NDC1: variants seen among roughly 807,000 people sequenced by gnomAD.
The protein encoded by NDC1 is nucleoporin NDC1.
A neutral mutation model predicts 89.8 loss-of-function variants in NDC1; 24 were observed. The observed-to-expected ratio is 0.27, with a 90% CI of 0.19 to 0.38. The LOEUF (loss-of-function observed/expected upper bound fraction) is 0.38, where lower values mean the gene tolerates loss of function less well. Among genes scored for constraint, NDC1 ranks in the 10% least tolerant of loss-of-function variants. The probability of loss-of-function intolerance (pLI) is 1.00; values close to 1 mark genes in which losing one functional copy is unlikely to be tolerated. For synonymous variants in NDC1, 296 were observed against 284.8 expected, an observed-to-expected ratio of 1.04 and a Z score of -0.39; for missense variants, 728 against 797.6, an observed-to-expected ratio of 0.91 and a Z score of 1.05.
rs1264429806 is a variant in NDC1, at chr1:53,766,253, G to T, written c.*1717C>A. On this transcript the variant is annotated 3_prime_UTR_variant, in exon 18 of 18. Coordinates refer to ENST00000371429, the MANE Select transcript of NDC1 (RefSeq NM_018087.5). ...CTATCTTTATTCTCAGAAATCCAAT[G>T]TTGAATATCACAGTTCTTCTTTAAT... 6.6e-6 allele frequency: 1 copy of T among 152,174 alleles called. No individual in the cohort carries two copies. The highest frequency in any genetic ancestry group is 2.4e-5 in the African/African-American group (1 of 41,434). 9.4% of individuals were successfully genotyped at this position (152,174 alleles called of 1,614,324 possible).
chr1:53,806,056 AGAGC>A (rs1201401667), intron 9 of NDC1, among the ~76,000 whole-genome samples: 4 of 152,226 alleles, frequency 2.6e-5, no homozygotes, highest in African/African-American at 9.6e-5. Flanking sequence ...CCTGGGCGAC[AGAGC>A]GAGACTCCGT....
At position 53,825,786 on chromosome 1, in the gene NDC1, A is replaced by G; in HGVS notation, c.594+12T>C. On this transcript the variant is annotated intron_variant, in intron 5 of 17. Transcript: ENST00000371429. The stretch of plus-strand genomic sequence containing the variant: ...CAAATTTTGACATCAAGTAATGCTC[A>G]AATGATCTTACCTGTATGATGGGAA... 1 of 1,567,274 alleles carries G rather than the reference A, an allele frequency of 6.4e-7. No individual in the cohort carries two copies. The highest frequency in any genetic ancestry group is 8.6e-7 in the Non-Finnish European group (1 of 1,163,946).
chr1:53,800,824 G>A lies in NDC1; in HGVS notation c.1091C>T (p.Ala364Val), dbSNP rs751580134. 2 of 1,605,124 alleles carry A rather than the reference G, an allele frequency of 1.2e-6. No individual in the cohort carries two copies. Among genetic ancestry groups the A allele is most frequent in the Non-Finnish European group, 1.7e-6 (2 of 1,175,732 alleles). The change falls in exon 11 of 18, where the codon GCC becomes GTC. Residue 364 changes from alanine to valine, a missense_variant. Physicochemically the swap from Ala to Val is moderately conservative, Grantham distance 64. Transcript: ENST00000371429. Reference sequence around the variant, plus strand: ...AAGATTCAAACACTCCCTTGAAATGGCTGTCCAATTGTGGGGATGTCCACC... The same window carrying A: ...AAGATTCAAACACTCCCTTGAAATGACTGTCCAATTGTGGGGATGTCCACC... ...QPGGHPHNWT[A>V]ISRECLNLLN... is the part of the protein sequence containing the mutation.
intron 17 of NDC1, 149 bp from the exon 18 acceptor site, chr1:53,768,182 A>C: frequency 1.9e-6 from 1 of 525,092 alleles, no homozygotes. Flanking sequence ...CTGGATGAAA[A>C]CTCTTTTTAA....
chr1:53,821,839 T>C (rs903232595), intron 5 of NDC1, among the ~76,000 whole-genome samples: 2 of 152,248 alleles, frequency 1.3e-5, no homozygotes, highest in African/African-American at 4.8e-5. Context: ...CCAGGCACTA[T>C]GCTAAATGCT....
chr1:53,831,142 G>T (rs188032699), intron 3 of NDC1, among the ~76,000 whole-genome samples: 10 of 147,478 alleles, frequency 6.8e-5, no homozygotes, highest in Admixed American at 4.7e-4. Context: ...GGAGAACGGC[G>T]TGAACCTAGG....
At chr1:53,806,318 A>C (rs1648107010) in intron 9 of NDC1, 107 bp downstream of exon 9, 2 of 655,570 alleles carry the variant, frequency 3.1e-6, no homozygotes, top group Non-Finnish European at 2.4e-6. Flanking sequence ...CAGTACAAGA[A>C]TATTATAGGC....
At chr1:53,804,110 A>G in intron 9 of NDC1, 101 bp from the exon 10 acceptor site, 3 of 855,066 alleles carry the variant, frequency 3.5e-6, no homozygotes, top group Non-Finnish European at 3.7e-6. Flanking sequence ...GAAATTAATT[A>G]AACTTTTTCA....
At chr1:53,778,659 A>C (rs1488515782) in intron 16 of NDC1, among the ~76,000 whole-genome samples, 1 of 152,216 alleles carries the variant, frequency 6.6e-6, no homozygotes, top group Non-Finnish European at 1.5e-5. Flanking sequence ...TCAGGGAAAT[A>C]AAATATGACT....
chr1:53,821,951 C>T (rs1435637689), intron 5 of NDC1, among the ~76,000 whole-genome samples: 1 of 152,176 alleles, frequency 6.6e-6, no homozygotes, highest in Non-Finnish European at 1.5e-5. Context: ...CCCTATGGGT[C>T]CATCATTAAG....
At chr1:53,801,990 G>C (rs549412609) in intron 10 of NDC1, among the ~76,000 whole-genome samples, 1 of 152,038 alleles carries the variant, frequency 6.6e-6, no homozygotes, top group Non-Finnish European at 1.5e-5. Flanking sequence ...TGATCCTCCC[G>C]CCTCAGCCTC....
At position 53,825,944 on chromosome 1, in the gene NDC1, G is replaced by A. The variant is rs780618222; in HGVS notation, c.456-8C>T. 3.7e-6 allele frequency: 6 copies of A among 1,608,732 alleles called. No individual in the cohort carries two copies. The African/African-American group carries it at 6.7e-5, about 18-fold the overall frequency. On this transcript the variant is annotated splice_region_variant and splice_polypyrimidine_tract_variant and intron_variant, in intron 4 of 17. Transcript: ENST00000371429. ...GCAGCAGGGCTACCAAAGCTGAAGG[G>A]AAAAAATTAAGTTATTAATTCAACA...
intron 16 of NDC1, among the ~76,000 whole-genome samples, chr1:53,777,618 G>C (rs1163640347): frequency 3.3e-5 from 5 of 152,096 alleles, no homozygotes; most frequent in Non-Finnish European, 7.4e-5. Flanking sequence ...GCAAGTAAGA[G>C]TATCAAGCTA....
intron 10 of NDC1, 55 bp from the exon 11 acceptor site, chr1:53,800,903 TGAA>T: frequency 6.7e-7 from 1 of 1,489,604 alleles, no homozygotes; most frequent in Non-Finnish European, 9.0e-7. Context: ...ATTCCCCTCT[TGAA>T]GTGGGGGAAA....
chr1:53,768,090 G>A, intron 17 of NDC1, 57 bp from the exon 18 acceptor site: 3 of 1,115,662 alleles, frequency 2.7e-6, no homozygotes, highest in Non-Finnish European at 2.6e-6. Flanking sequence ...CATATTAAGT[G>A]AACCACAGAG....
intron 17 of NDC1, among the ~76,000 whole-genome samples, chr1:53,770,301 G>T (rs1004667641): frequency 2.0e-5 from 3 of 151,918 alleles, no homozygotes; most frequent in South Asian, 4.2e-4. Context: ...ATTTATTTAT[G>T]TATTTATTTA....
Position 53,806,522 on chromosome 1 carries a change from C to T in NDC1, c.892-5G>A, listed in dbSNP as rs760757256. 2.1e-6 allele frequency: 3 copies of T among 1,460,522 alleles called. No individual in the cohort carries two copies. The highest frequency in any genetic ancestry group is 2.7e-6 in the Non-Finnish European group (3 of 1,105,622). 90.5% of individuals were successfully genotyped at this position (1,460,522 alleles called of 1,614,324 possible). A position where few individuals can be genotyped will look rare whatever the true frequency, so the allele number is the denominator to read the frequency against. On this transcript the variant is annotated splice_polypyrimidine_tract_variant and splice_region_variant and intron_variant, in intron 8 of 17. Coordinates refer to ENST00000371429, the MANE Select transcript of NDC1 (RefSeq NM_018087.5). ...TTGAACAGGAAACACATGAGCCTAT[C>T]AAATAAATTAAAAACCAAAAATGAT...
At chr1:53,809,584 C>T (rs1239019513) in intron 7 of NDC1, 111 bp downstream of exon 7, 3 of 756,254 alleles carry the variant, frequency 4.0e-6, no homozygotes, top group Admixed American at 2.6e-5. Flanking sequence ...AAAATGAATA[C>T]AATTTTTAAA....
At chr1:53,827,878 G>C in intron 4 of NDC1, 121 bp downstream of exon 4, 1 of 692,400 alleles carries the variant, frequency 1.4e-6, no homozygotes, top group Non-Finnish European at 2.2e-6. Flanking sequence ...CTTGATATAT[G>C]CAAAAAGCAC....
Sources: gnomAD v4.1 joint callset for allele counts (sites outside exome capture counted in the v4.1 genomes callset) on GRCh38, gnomAD v4.1.1 for gene constraint, MANE v1.5 for transcripts, NCBI Gene and HGNC (gene_info 2026-07-23, HGNC 2026-07-21) for gene names.